Variants in NUDC observed in about 807,000 individuals in gnomAD.
The protein encoded by NUDC is nuclear distribution C, dynein complex regulator.
A neutral mutation model predicts 45.0 loss-of-function variants in NUDC; 14 were observed. That is an observed-to-expected ratio of 0.31 (90% CI 0.21 to 0.49). The LOEUF is 0.49. NUDC is among the 20% of genes least tolerant of loss of function. NUDC has a pLI of 0.99. For synonymous variants in NUDC, 153 were observed against 156.7 expected (o/e 0.98, Z 0.17); for missense variants, 323 against 426.2 (o/e 0.76, Z 2.13).
At chr1:26,906,854 AAAT>A (rs951546762) in intron 2 of NUDC, among the ~76,000 whole-genome samples, 33 of 152,260 alleles carry the variant, frequency 2.2e-4, no homozygotes, top group African/African-American at 6.0e-4. Context: ...GTCTCAAAAA[AAAT>A]AATAATAATA....
At chr1:26,934,194 T>C (rs1557677203) in intron 2 of NUDC, among the ~76,000 whole-genome samples, 1 of 152,294 alleles carries the variant, frequency 6.6e-6, no homozygotes, top group East Asian at 1.9e-4. Flanking sequence ...GAGTTCTGCA[T>C]GACCGGGGAG....
chr1:26,903,788 A>G (rs978007958), intron 2 of NUDC, among the ~76,000 whole-genome samples: 8 of 151,974 alleles, frequency 5.3e-5, no homozygotes, highest in Non-Finnish European at 1.5e-5. Flanking sequence ...AGGTGGGCGG[A>G]TCACAAGGTC....
At chr1:26,901,387 G>A (rs891536511) in intron 1 of NUDC, among the ~76,000 whole-genome samples, 90 of 144,812 alleles carry the variant, frequency 6.2e-4, no homozygotes, top group Admixed American at 2.6e-3. Context: ...CACGGTCCCC[G>A]CCTTTTTGTC....
intron 2 of NUDC, among the ~76,000 whole-genome samples, chr1:26,925,472 C>T (rs1282012143): frequency 2.3e-5 from 3 of 129,360 alleles, no homozygotes; most frequent in East Asian, 2.7e-4. Flanking sequence ...CCCCGGGGGG[C>T]GGAGCTTGCA....
intron 2 of NUDC, among the ~76,000 whole-genome samples, chr1:26,939,041 C>T (rs2082257164): frequency 1.3e-5 from 2 of 152,172 alleles, no homozygotes; most frequent in South Asian, 4.1e-4. Context: ...CCCTCTGTTA[C>T]CCAGGCTGGT....
chr1:26,929,606 T>C, intron 2 of NUDC: 1 of 265,062 alleles, frequency 3.8e-6, no homozygotes, highest in South Asian at 3.3e-5. Flanking sequence ...GGAGTGGTCC[T>C]GGAACAAATC....
intron 1 of NUDC, among the ~76,000 whole-genome samples, chr1:26,923,059 T>C (rs2082103834): frequency 6.6e-6 from 1 of 152,258 alleles, no homozygotes; most frequent in Non-Finnish European, 1.5e-5. Context: ...TTGTGTGTGC[T>C]GACCTTGAGT....
At chr1:26,942,825 C>T (rs375024836) in intron 5 of NUDC, 46 bp from the exon 6 acceptor site, 6 of 1,613,912 alleles carry the variant, frequency 3.7e-6, no homozygotes, top group African/African-American at 2.7e-5. Context: ...GCCTGGGGTA[C>T]CAGCAGCACT....
intron 1 of NUDC, among the ~76,000 whole-genome samples, chr1:26,923,233 A>G (rs1308377371): frequency 1.3e-5 from 2 of 152,168 alleles, no homozygotes. Flanking sequence ...TGTGCCATAC[A>G]TTGCTAAAGG....
chr1:26,930,710 C>CAAA (rs35636381), intron 2 of NUDC, among the ~76,000 whole-genome samples: 3 of 111,686 alleles, frequency 2.7e-5, no homozygotes, highest in Non-Finnish European at 5.4e-5. Flanking sequence ...AACCCTGTCT[C>CAAA]AAAAAAAAAA....
chr1:26,921,119 C>A (rs1030871657), upstream of NUDC, among the ~76,000 whole-genome samples: 4 of 152,136 alleles, frequency 2.6e-5, no homozygotes, highest in African/African-American at 9.7e-5. Flanking sequence ...GTCCTGTCCC[C>A]GCATTAACAG....
At chr1:26,921,067 G>A (rs2082087979), upstream of NUDC, among the ~76,000 whole-genome samples, 1 of 152,324 alleles carries the variant, frequency 6.6e-6, no homozygotes, top group Middle Eastern at 3.4e-3. Flanking sequence ...CTAAGATGAT[G>A]AGATTCATTG....
chr1:26,916,823 T>C (rs2082064064), upstream of NUDC, among the ~76,000 whole-genome samples: 1 of 152,072 alleles, frequency 6.6e-6, no homozygotes, highest in Non-Finnish European at 1.5e-5. Flanking sequence ...AGGTAGGTAG[T>C]GCACACCTAT....
upstream of NUDC, among the ~76,000 whole-genome samples, chr1:26,917,805 G>C (rs1316080157): frequency 2.0e-5 from 3 of 151,782 alleles, no homozygotes; most frequent in African/African-American, 7.3e-5. Context: ...AGAATCGCTT[G>C]AACCTGGGAA....
At chr1:26,925,666 CT>C (rs1463040279) in intron 2 of NUDC, among the ~76,000 whole-genome samples, 6 of 148,452 alleles carry the variant, frequency 4.0e-5, no homozygotes, top group African/African-American at 1.5e-4. Context: ...GAACTTCTTT[CT>C]GATTCCTTAA....
At chr1:26,900,418 C>A in intron 1 of NUDC, 1 of 1,610,534 alleles carries the variant, frequency 6.2e-7, no homozygotes, top group Non-Finnish European at 8.5e-7. Flanking sequence ...GTCGCCTCCT[C>A]CTCCGCCTCG....
intron 2 of NUDC, among the ~76,000 whole-genome samples, chr1:26,930,438 A>G (rs1373706080): frequency 6.6e-6 from 1 of 152,214 alleles, no homozygotes; most frequent in African/African-American, 2.4e-5. Context: ...TGCGGCCGCC[A>G]TTGTACCCAG....
upstream of NUDC, among the ~76,000 whole-genome samples, chr1:26,919,364 C>G (rs2082077762): frequency 6.6e-6 from 1 of 152,110 alleles, no homozygotes; most frequent in South Asian, 2.1e-4. Flanking sequence ...TTATTTAACT[C>G]CGCTAATTTT....
At chr1:26,913,656 G>A (rs2082043019) in intron 3 of NUDC, 2 of 1,613,752 alleles carry the variant, frequency 1.2e-6, no homozygotes, top group African/African-American at 1.3e-5. Flanking sequence ...CAAGCAGGAA[G>A]AGGGGGCCCC....
Sources: gnomAD v4.1 joint callset for allele counts (sites outside exome capture counted in the v4.1 genomes callset) on GRCh38, gnomAD v4.1.1 for gene constraint, MANE v1.5 for transcripts, NCBI Gene and HGNC (gene_info 2026-07-23, HGNC 2026-07-21) for gene names.